PHF24: variants seen among roughly 807,000 people sequenced by gnomAD.
PHF24 encodes the protein Galpha inhibitory interacting protein.
PHF24 carries 25 observed loss-of-function variants against 42.6 expected under a neutral mutation model. That is an observed-to-expected ratio of 0.59 (90% CI 0.43 to 0.82). The LOEUF is 0.82. PHF24 is among the 40% of genes least tolerant of loss of function. The probability of loss-of-function intolerance (pLI) is 0.00; values close to 1 mark genes in which losing one functional copy is unlikely to be tolerated. For missense variants in PHF24, 470 were observed against 538.1 expected, an observed-to-expected ratio of 0.87 and a Z score of 1.25; for synonymous variants, 185 against 204.8, an observed-to-expected ratio of 0.90 and a Z score of 0.83.
At chr9:34,723,818 C>T in the PHF24 span, 1 of 1,551,704 alleles carries the variant, frequency 6.4e-7, no homozygotes. Flanking sequence ...CTTGGTTTGA[C>T]TGTCTTGCAG....
chr9:34,680,659 G>A, the PHF24 span, among the ~76,000 whole-genome samples: 20 of 146,980 alleles, frequency 1.4e-4, no homozygotes, highest in African/African-American at 4.7e-4. Context: ...CTGCACTCCA[G>A]CCTGGGCGAC....
the PHF24 span, among the ~76,000 whole-genome samples, chr9:34,769,966 G>C: frequency 3.3e-5 from 5 of 152,134 alleles, no homozygotes; most frequent in Non-Finnish European, 7.3e-5. Flanking sequence ...CATGAAAATA[G>C]TAGAAGAATA....
the PHF24 span, among the ~76,000 whole-genome samples, chr9:34,940,604 G>T: frequency 2.0e-5 from 3 of 152,076 alleles, no homozygotes; most frequent in Non-Finnish European, 2.9e-5. Context: ...AATAAAATAA[G>T]TTCCCTCTTT....
chr9:34,864,239 G>A, the PHF24 span, among the ~76,000 whole-genome samples: 5 of 152,088 alleles, frequency 3.3e-5, no homozygotes, highest in African/African-American at 1.2e-4. Context: ...TTATTCAAAG[G>A]GATAATAACA....
chr9:34,951,418 C>A, the PHF24 span, among the ~76,000 whole-genome samples: 8 of 152,136 alleles, frequency 5.3e-5, no homozygotes, highest in Non-Finnish European at 1.0e-4. Context: ...GCTCTATAAT[C>A]ATAAGTGTCT....
At chr9:34,749,875 G>A in the PHF24 span, among the ~76,000 whole-genome samples, 1 of 152,026 alleles carries the variant, frequency 6.6e-6, no homozygotes, top group Admixed American at 6.6e-5. Flanking sequence ...AATATGTTTG[G>A]CAGGGCAGCA....
chr9:34,694,229 G>A, the PHF24 span, among the ~76,000 whole-genome samples: 2 of 137,846 alleles, frequency 1.5e-5, no homozygotes, highest in Non-Finnish European at 3.0e-5. Context: ...TAGTGCAGTG[G>A]CACAGTCTCA....
the PHF24 span, among the ~76,000 whole-genome samples, chr9:34,849,412 TA>T: frequency 6.6e-6 from 1 of 151,994 alleles, no homozygotes; most frequent in East Asian, 1.9e-4. Flanking sequence ...TATCAGAGAC[TA>T]GGATTGCAAC....
At chr9:34,888,041 C>G in the PHF24 span, among the ~76,000 whole-genome samples, 2 of 151,978 alleles carry the variant, frequency 1.3e-5, no homozygotes, top group African/African-American at 4.8e-5. Flanking sequence ...AGTCACTATT[C>G]TCTGACACGG....
chr9:34,765,355 C>A, the PHF24 span, among the ~76,000 whole-genome samples: 1 of 149,030 alleles, frequency 6.7e-6, no homozygotes, highest in African/African-American at 2.4e-5. Flanking sequence ...GTAGGTCACT[C>A]AGGACTTGCT....
At chr9:34,691,004 C>G in the PHF24 span, 1 of 1,190,942 alleles carries the variant, frequency 8.4e-7, no homozygotes, top group Non-Finnish European at 1.2e-6. Context: ...ATGTCCCTTA[C>G]GTCCAGTGCC....
At chr9:34,806,434 T>C in the PHF24 span, among the ~76,000 whole-genome samples, 1 of 151,364 alleles carries the variant, frequency 6.6e-6, no homozygotes, top group Non-Finnish European at 1.5e-5. Context: ...GTTGTTGCTG[T>C]TGTTGTTGTT....
At chr9:34,689,965 G>A in the PHF24 span, 6 of 1,614,130 alleles carry the variant, frequency 3.7e-6, no homozygotes, top group Non-Finnish European at 5.1e-6. This position sits in a 1 kb window ranked among gnomAD's most constrained non-coding sequence, Gnocchi z 4.1. Context: ...TGGATGATGC[G>A]TTCTACCCAG....
the PHF24 span, among the ~76,000 whole-genome samples, chr9:34,737,408 A>T: frequency 6.6e-6 from 1 of 152,220 alleles, no homozygotes; most frequent in Admixed American, 6.5e-5. Context: ...ATAATCAATT[A>T]CATGGACATA....
the PHF24 span, among the ~76,000 whole-genome samples, chr9:34,830,354 T>G: frequency 5.9e-5 from 9 of 152,228 alleles, no homozygotes; most frequent in Non-Finnish European, 1.2e-4. Flanking sequence ...CAGCCAGAAA[T>G]TTCCAGAGGG....
chr9:34,908,634 G>A, the PHF24 span, among the ~76,000 whole-genome samples: 1 of 152,034 alleles, frequency 6.6e-6, no homozygotes, highest in African/African-American at 2.4e-5. Flanking sequence ...AAGGGAACAG[G>A]AAACATCTAT....
chr9:34,939,524 G>A, the PHF24 span, among the ~76,000 whole-genome samples: 3 of 152,142 alleles, frequency 2.0e-5, no homozygotes, highest in South Asian at 2.1e-4. Context: ...AGGGTGCCAC[G>A]TAGAATTCTC....
chr9:34,752,773 C>T, the PHF24 span, among the ~76,000 whole-genome samples: 17 of 151,898 alleles, frequency 1.1e-4, no homozygotes, highest in African/African-American at 2.7e-4. Flanking sequence ...TGAACATTAC[C>T]GGAAATGTCA....
chr9:34,723,801 C>G, the PHF24 span: 8 of 1,551,608 alleles, frequency 5.2e-6, no homozygotes, highest in Non-Finnish European at 7.0e-6. Flanking sequence ...TCAAGGATGA[C>G]AGTTAGCTTG....
Sources: allele counts gnomAD v4.1 joint callset (sites outside exome capture counted in the v4.1 genomes callset), GRCh38; gene constraint gnomAD v4.1.1; non-coding constraint Gnocchi (gnomAD v3.1); transcripts MANE v1.5; gene names NCBI Gene and HGNC (gene_info 2026-07-23, HGNC 2026-07-21).